HIP1: variants seen among roughly 807,000 people sequenced by gnomAD.
HIP1 encodes huntingtin interacting protein 1.
HIP1 carries 65 observed loss-of-function variants against 147.6 expected under a neutral mutation model. The ratio of observed to expected loss-of-function variants is 0.44; its 90% confidence interval spans 0.36 to 0.54. HIP1 has a LOEUF of 0.54. Among genes scored for constraint, HIP1 ranks in the 20% least tolerant of loss-of-function variants. HIP1 has a pLI of 0.00. For missense variants in HIP1, 1,061 were observed against 1,299.6 expected (o/e 0.82, Z 2.82); for synonymous variants, 479 against 504.0 (o/e 0.95, Z 0.67).
chr7:75,671,770 G>GTT (rs1799735499), intron 1 of HIP1, among the ~76,000 whole-genome samples: 1 of 87,008 alleles, frequency 1.1e-5, no homozygotes, highest in Non-Finnish European at 2.3e-5. Context: ...ATGGAGTCTC[G>GTT]CTCTACCAGG....
At chr7:75,590,426 C>G (rs953354478) in intron 4 of HIP1, among the ~76,000 whole-genome samples, 11 of 151,530 alleles carry the variant, frequency 7.3e-5, no homozygotes, top group African/African-American at 2.7e-4. Flanking sequence ...GAGGAAAAAA[C>G]AGAATGAGAA....
intron 7 of HIP1, among the ~76,000 whole-genome samples, chr7:75,577,629 A>G (rs1242395290): frequency 6.6e-6 from 1 of 152,206 alleles, no homozygotes. Flanking sequence ...TTCACCAGGC[A>G]CTGGACTAGA....
At chr7:75,543,119 C>A (rs1415507624) in intron 27 of HIP1, 145 bp from the exon 28 acceptor site, 33 of 722,738 alleles carry the variant, frequency 4.6e-5, no homozygotes, top group Non-Finnish European at 6.7e-5. Flanking sequence ...TGACTATAGT[C>A]AGCTCCTGAC....
intron 2 of HIP1, among the ~76,000 whole-genome samples, chr7:75,593,249 A>G (rs1234088091): frequency 3.9e-5 from 6 of 152,170 alleles, no homozygotes; most frequent in African/African-American, 1.4e-4. Flanking sequence ...GGTTACAGGC[A>G]TGAACCACTG....
rs148849329 is a variant in HIP1, at chr7:75,577,716, C to A, written c.604+3521G>T. On this transcript the variant is annotated intron_variant, in intron 7 of 30. Transcript: ENST00000336926. The stretch of plus-strand genomic sequence containing the variant: ...ATGAACAATGCATATAAAACCAGAG[C>A]AGGCTGGGCACGGTGGCTCATGCCT... Among the ~76,000 whole-genome samples, 124 of 152,232 alleles carry A rather than the reference C, an allele frequency of 8.1e-4. 1 individual carries two copies. Among genetic ancestry groups the A allele is most frequent in the African/African-American group, 2.7e-3 (113 of 41,548 alleles).
chr7:75,541,081 T>C (rs375890299), intron 29 of HIP1, among the ~76,000 whole-genome samples: 2 of 148,198 alleles, frequency 1.3e-5, no homozygotes, highest in African/African-American at 2.5e-5. Flanking sequence ...CTGGGCAACA[T>C]AGTAAGACCC....
At chr7:75,558,299 A>G in intron 14 of HIP1, 44 bp from the exon 15 acceptor site, 1 of 1,466,836 alleles carries the variant, frequency 6.8e-7, no homozygotes, top group Non-Finnish European at 9.6e-7. Flanking sequence ...CCTAGCAGGG[A>G]CCCTTGCCTT....
intron 1 of HIP1, among the ~76,000 whole-genome samples, chr7:75,630,740 T>C (rs1432705223): frequency 1.3e-5 from 2 of 152,166 alleles, no homozygotes; most frequent in Non-Finnish European, 2.9e-5. Context: ...CCCCATCCTT[T>C]GTGCATTGCA....
At chr7:75,539,159 G>A (rs1315228995) in intron 30 of HIP1, among the ~76,000 whole-genome samples, 164 bp downstream of exon 30, 1 of 152,152 alleles carries the variant, frequency 6.6e-6, no homozygotes, top group Non-Finnish European at 1.5e-5. Flanking sequence ...AGGCTTAAAG[G>A]TTATTTACAA....
At chr7:75,601,383 G>A (rs1796965580) in intron 1 of HIP1, among the ~76,000 whole-genome samples, 1 of 151,990 alleles carries the variant, frequency 6.6e-6, no homozygotes, top group Non-Finnish European at 1.5e-5. Flanking sequence ...GAGGTCAGGA[G>A]TTTGAGACCA....
Position 75,547,785 on chromosome 7 carries a change from T to C in HIP1, c.2435A>G (p.Asp812Gly), listed in dbSNP as rs782288850. ...ATTCACCTCCAATTTGACTCCTGTG[T>C]CTCCTGCTCGGGATTTGCTGAGCAT... Reference protein sequence around the residue: ...EEMLSKSRAGDTGVKLEVNER... With the variant: ...EEMLSKSRAGGTGVKLEVNER... Residue 812 changes from aspartate (D) to glycine (G), a missense_variant, in exon 24 of 31, where the codon GAC becomes GGC. By Grantham distance (94) the Asp-to-Gly change is moderately conservative. Coordinates refer to ENST00000336926, the MANE Select transcript of HIP1 (RefSeq NM_005338.7). The C allele has an allele frequency of 1.2e-6, 2 of 1,613,798 alleles. No individual in the cohort carries two copies. Among genetic ancestry groups the C allele is most frequent in the African/African-American group, 2.7e-5 (2 of 74,868 alleles).
chr7:75,651,755 C>G (rs965444476), intron 1 of HIP1, among the ~76,000 whole-genome samples: 3 of 152,128 alleles, frequency 2.0e-5, no homozygotes, highest in African/African-American at 7.2e-5. Flanking sequence ...CTAATCATAG[C>G]TACCTCTTGG....
intron 1 of HIP1, among the ~76,000 whole-genome samples, chr7:75,620,808 G>A (rs1483643110): frequency 1.3e-5 from 2 of 152,054 alleles, no homozygotes; most frequent in Non-Finnish European, 2.9e-5. Flanking sequence ...TAAACAAATC[G>A]GATGGCGAGA....
intron 25 of HIP1, 88 bp downstream of exon 25, chr7:75,546,851 G>T: frequency 1.1e-6 from 1 of 927,320 alleles, no homozygotes. Context: ...GACACACAGA[G>T]TAAGACGGCA....
At chr7:75,698,592 A>C (rs1563300315) in intron 1 of HIP1, among the ~76,000 whole-genome samples, 1 of 152,262 alleles carries the variant, frequency 6.6e-6, no homozygotes, top group Non-Finnish European at 1.5e-5. Flanking sequence ...CCAAGGCAGG[A>C]GGATCACTTG....
At chr7:75,619,146 C>T (rs1053652388) in intron 1 of HIP1, among the ~76,000 whole-genome samples, 31 of 152,112 alleles carry the variant, frequency 2.0e-4, no homozygotes, top group Non-Finnish European at 3.1e-4. Context: ...CATTTGGGCT[C>T]GGAAGGGCCC....
intron 1 of HIP1, among the ~76,000 whole-genome samples, chr7:75,687,463 G>A (rs880003027): frequency 6.6e-6 from 1 of 152,182 alleles, no homozygotes; most frequent in Admixed American, 6.5e-5. Flanking sequence ...AGGCCAAGGC[G>A]GGAGGATCAC....
intron 1 of HIP1, among the ~76,000 whole-genome samples, chr7:75,681,221 T>C (rs534685914): frequency 1.3e-5 from 2 of 152,140 alleles, no homozygotes; most frequent in East Asian, 3.9e-4. Flanking sequence ...TGATAAAATA[T>C]AACTTTCTCA....
At position 75,731,478 on chromosome 7, in the gene HIP1, C is replaced by CAA. The variant is rs1214036700; in HGVS notation, c.120+7321_120+7322dup. On this transcript the variant is annotated intron_variant, in intron 1 of 30. Coordinates refer to ENST00000336926, the MANE Select transcript of HIP1 (RefSeq NM_005338.7). Reference sequence around the variant, plus strand: ...AGCCTGGGTGACAGAGACTCCAACTCAAAAAAAAAAAAAAAAAAAAACGCC... The same window carrying CAA: ...AGCCTGGGTGACAGAGACTCCAACTCAAAAAAAAAAAAAAAAAAAAAAACGCC... 3.8e-3 allele frequency among the ~76,000 whole-genome samples: 138 copies of CAA among 36,210 alleles called. 2 individuals carry two copies. The highest frequency in any genetic ancestry group is 0.014 in the Middle Eastern group (1 of 74). 23.8% of individuals were successfully genotyped at this position (36,210 alleles called of 152,430 possible). A position where few individuals can be genotyped will look rare whatever the true frequency, so the allele number is the denominator to read the frequency against.
Sources: gnomAD v4.1 joint callset for allele counts (sites outside exome capture counted in the v4.1 genomes callset) on GRCh38, gnomAD v4.1.1 for gene constraint, MANE v1.5 for transcripts, NCBI Gene and HGNC (gene_info 2026-07-23, HGNC 2026-07-21) for gene names.